SLC7A4: variants seen among roughly 807,000 people sequenced by gnomAD.
SLC7A4 encodes the protein cationic amino acid transporter 4.
SLC7A4 carries 30 observed loss-of-function variants against 37.8 expected under a neutral mutation model. That is an observed-to-expected ratio of 0.79 (90% CI 0.59 to 1.08). The LOEUF is 1.08. Among genes scored for constraint, SLC7A4 ranks in the 50% least tolerant of loss-of-function variants. The pLI, the probability that SLC7A4 is intolerant of heterozygous loss-of-function variation, is 0.00. For missense variants in SLC7A4, 839 were observed against 843.2 expected (o/e 1.00, Z 0.06); for synonymous variants, 359 against 376.5 (o/e 0.95, Z 0.54).
Position 21,031,740 on chromosome 22 carries a change from CCAG to C in SLC7A4, c.70_72del (p.Leu24del), listed in dbSNP as rs369037952. On this transcript the variant is annotated inframe_deletion, in exon 2 of 5. Transcript: ENST00000382932. ...AGTGACGTCTCCATGGTGGAGTCCT[CCAG>C]CGGCTTCAGGCGGTTCAGCTTCTGG... The C allele has an allele frequency of 6.3e-7, 1 of 1,598,450 alleles. No homozygotes were observed. Among genetic ancestry groups the C allele is most frequent in the African/African-American group, 1.3e-5 (1 of 74,572 alleles).
chr22:21,029,192 T>C lies in SLC7A4; in HGVS notation c.1771A>G (p.Lys591Glu). The change falls in exon 5 of 5, where the codon AAG becomes GAG. Residue 591 changes from lysine to glutamate, a missense_variant. By Grantham distance (56) the Lys-to-Glu change is moderately conservative. Transcript: ENST00000382932. ...VYFGYGIRHS[K>E]ENQRELPGLN... Reference sequence around the variant, plus strand: ...CCTGGCAGCTCCCGCTGGTTCTCCTTGCTATGCCGGATGCCATAGCCGAAA... The same window carrying C: ...CCTGGCAGCTCCCGCTGGTTCTCCTCGCTATGCCGGATGCCATAGCCGAAA... 48 of 1,613,986 alleles carry C rather than the reference T, an allele frequency of 3.0e-5. No homozygotes were observed. Among genetic ancestry groups the C allele is most frequent in the Non-Finnish European group, 4.1e-5 (48 of 1,180,002 alleles).
chr22:21,029,238 G>A lies in SLC7A4; in HGVS notation c.1733-8C>T. 1 of 1,613,598 alleles carries A rather than the reference G, an allele frequency of 6.2e-7. No individual in the cohort carries two copies. On this transcript the variant is annotated splice_polypyrimidine_tract_variant and splice_region_variant and intron_variant, in intron 4 of 4. Transcript: ENST00000382932. ...CGAAATACACTGCAAGTCCTAGACA[G>A]GGCAGGAGGCAGGGCATGAGCCTGA...
At chr22:21,029,473 G>A (rs749219031) in intron 3 of SLC7A4, 29 bp from the exon 4 acceptor site, 4 of 1,543,364 alleles carry the variant, frequency 2.6e-6, no homozygotes, top group Non-Finnish European at 3.6e-6. Context: ...GGCAGGGCTG[G>A]GCCGGGCTGC....
intron 2 of SLC7A4, 65 bp downstream of exon 2, chr22:21,030,766 A>G (rs1012530461): frequency 1.3e-6 from 2 of 1,497,780 alleles, no homozygotes; most frequent in Non-Finnish European, 1.8e-6. Flanking sequence ...GCATTCCCCA[A>G]GAATCTGAGG....
chr22:21,029,914 G>A lies in SLC7A4; in HGVS notation c.1420C>T (p.Pro474Ser), dbSNP rs1928824468. The change falls in exon 3 of 5, where the codon CCT becomes TCT. Residue 474 changes from proline to serine, a missense_variant. By Grantham distance (74) the Pro-to-Ser change is moderately conservative (BLOSUM62 -1). Transcript: ENST00000382932. ...PYLGFLDGYS[P>S]GAVVTWALGV... ...AGCGCCCAAGTCACCACTGCTCCAG[G>A]GCTGTACCCATCCAAGAAGCCCAGG... 1 of 1,613,660 alleles carries A rather than the reference G, an allele frequency of 6.2e-7. No homozygotes were observed. Among genetic ancestry groups the A allele is most frequent in the Non-Finnish European group, 8.5e-7 (1 of 1,179,984 alleles).
In SLC7A4 at chr22:21,031,115, C is replaced by T; in HGVS notation, c.698G>A (p.Gly233Asp). ...AGTGCCGGCCATGACGCCGGAGAAG[C>T]CGAAGGGTGCAAAGCCGCCTTCGTC... ...SADEGGFAPF[G>D]FSGVMAGTAS... Residue 233 changes from glycine to aspartate, a missense_variant, in exon 2 of 5, where the codon GGC (glycine) becomes GAC (aspartate). Gly to Asp is a moderately conservative substitution (Grantham distance 94, BLOSUM62 -1). Transcript: ENST00000382932. 1 of 1,613,766 alleles carries T rather than the reference C, an allele frequency of 6.2e-7. No individual in the cohort carries two copies. Among genetic ancestry groups the T allele is most frequent in the Non-Finnish European group, 8.5e-7 (1 of 1,179,854 alleles).
rs1359987237 is a variant in SLC7A4 at position 21,029,813 on chromosome 22, G to A, written c.1521C>T (p.His507=). 6.2e-7 allele frequency: 1 copy of A among 1,613,530 alleles called. No individual in the cohort carries two copies. Among genetic ancestry groups the A allele is most frequent in the Non-Finnish European group, 8.5e-7 (1 of 1,180,012 alleles). ...GCAGGAGCAGCAGGATGTAACCCCA[G>A]TGTGGGAGGTGCAGGGTCGAGTTCC... is the stretch of plus-strand genomic sequence containing the variant. ...VFGNSTLHLP[H]WGYILLLLLT... is the part of the protein sequence containing the mutation. The change falls in exon 3 of 5, where the codon CAC becomes CAT. Residue 507 remains histidine, a synonymous_variant. Transcript: ENST00000382932.
At chr22:21,031,985 G>T in intron 1 of SLC7A4, 133 bp from the exon 2 acceptor site, 1 of 515,416 alleles carries the variant, frequency 1.9e-6, no homozygotes, top group Non-Finnish European at 3.0e-6. Context: ...CCAGGGGCCT[G>T]CTGGAGAGCT....
Position 21,030,042 on chromosome 22 carries a change from A to G in SLC7A4, c.1292T>C (p.Leu431Pro), listed in dbSNP as rs1601791234. 2 of 1,612,810 alleles carry G rather than the reference A, an allele frequency of 1.2e-6. No homozygotes were observed. Among genetic ancestry groups the G allele is most frequent in the Non-Finnish European group, 1.7e-6 (2 of 1,179,540 alleles). ...TGAGAAGGAGCTCTGCTGCTTGGTC[A>G]GGGGGCCAGGGCTGGCTGGGCCTGG... Reference protein sequence around the residue: ...SSPGPASPGPLTKQQSSFSDH... With the variant: ...SSPGPASPGPPTKQQSSFSDH... The change falls in exon 3 of 5, where the codon CTG (leucine) becomes CCG (proline). Residue 431 changes from leucine to proline, a missense_variant. Transcript: ENST00000382932.
rs372302893 is a variant in SLC7A4 at position 21,029,961 on chromosome 22, A to G, written c.1373T>C (p.Leu458Pro). The G allele has an allele frequency of 2.3e-5, 37 of 1,613,772 alleles. No individual in the cohort carries two copies. In the African/African-American group the frequency reaches 4.8e-4, roughly 21 times the overall value. Residue 458 changes from leucine (L) to proline (P), a missense_variant, in exon 3 of 5, where the codon CTG (leucine) becomes CCG (proline). Leu to Pro is a moderately conservative substitution (Grantham distance 98, BLOSUM62 -3). Transcript: ENST00000382932. ...VHASVPEPGELKPALRPYLGF... is the reference protein window; with the variant it reads ...VHASVPEPGEPKPALRPYLGF... ...CAGGTAGGGCCTCAGGGCTGGCTTC[A>G]GCTCCCCTGGCTCAGGGACGGAGGC...
Position 21,029,410 on chromosome 22 carries a change from A to G in SLC7A4, c.1658T>C (p.Ile553Thr), listed in dbSNP as rs756615960. The G allele has an allele frequency of 1.2e-6, 2 of 1,613,650 alleles. No homozygotes were observed. The highest frequency in any genetic ancestry group is 1.7e-6 in the Non-Finnish European group (2 of 1,179,944). ...PMVPLIPALS[I>T]VLNICLMLKL... Reference sequence around the variant, plus strand: ...CAGCATGAGGCAGATGTTGAGGACGATGCTCAGGGCTGGAATCAGGGGAAC... The same window carrying G: ...CAGCATGAGGCAGATGTTGAGGACGGTGCTCAGGGCTGGAATCAGGGGAAC... Residue 553 changes from isoleucine to threonine, a missense_variant, in exon 4 of 5, where the codon ATC becomes ACC. Coordinates refer to ENST00000382932, the MANE Select transcript of SLC7A4 (RefSeq NM_004173.3).
rs1928783112 is a variant in SLC7A4, at chr22:21,029,106, A to G, written c.1857T>C (p.Ala619=). 1 of 1,612,938 alleles carries G rather than the reference A, an allele frequency of 6.2e-7. No individual in the cohort carries two copies. Among genetic ancestry groups the G allele is most frequent in the South Asian group, 1.1e-5 (1 of 91,038 alleles). Reference sequence around the variant, plus strand: ...CTGGTGCCTGGCTGGGGGGCTGCATAGCCTGCACTGTCTCCTCCAGGCTGC... The same window carrying G: ...CTGGTGCCTGGCTGGGGGGCTGCATGGCCTGCACTGTCTCCTCCAGGCTGC... ...PRGSLEETVQ[A]MQPPSQAPAQ... Residue 619 remains alanine, a synonymous_variant, in exon 5 of 5, where the codon GCT becomes GCC. Coordinates refer to ENST00000382932, the MANE Select transcript of SLC7A4 (RefSeq NM_004173.3).
intron 1 of SLC7A4, among the ~76,000 whole-genome samples, chr22:21,032,056 C>T (rs1461333473): frequency 6.6e-6 from 1 of 152,222 alleles, no homozygotes; most frequent in Non-Finnish European, 1.5e-5. Context: ...GAGGCCCTGT[C>T]TGCATCCCAG....
In SLC7A4 at chr22:21,030,251, G is replaced by A. The variant is rs140649964; in HGVS notation, c.1083C>T (p.His361=). The change falls in exon 3 of 5, where the codon CAC becomes CAT. Residue 361 remains histidine (H), a synonymous_variant. Transcript: ENST00000382932. ...CCGCCACAGGCACCTGTGTCCGGGG[G>A]TGCACATGGGCAAACACCTGGAAGA... ...GLFFQVFAHV[H]PRTQVPVAGT... The A allele has an allele frequency of 4.3e-6, 7 of 1,613,772 alleles. No homozygotes were observed. Among genetic ancestry groups the A allele is most frequent in the East Asian group, 4.5e-5 (2 of 44,874 alleles).
At position 21,029,075 on chromosome 22, in the gene SLC7A4, C is replaced by G; in HGVS notation, c.1888G>C (p.Asp630His). The G allele has an allele frequency of 5.6e-6, 9 of 1,610,756 alleles. No homozygotes were observed. Among genetic ancestry groups the G allele is most frequent in the Non-Finnish European group, 7.6e-6 (9 of 1,179,440 alleles). The change falls in exon 5 of 5, where the codon GAC becomes CAC. Residue 630 changes from aspartate to histidine, a missense_variant. Transcript: ENST00000382932. ...MQPPSQAPAQ[D>H]PGHME ...ATCAGCTACTCCATATGGCCAGGGT[C>G]CTGTGCTGGTGCCTGGCTGGGGGGC...
rs761948595 is a variant in SLC7A4, at chr22:21,029,831, C to T, written c.1503G>A (p.Ser501=). The change falls in exon 3 of 5, where the codon TCG becomes TCA. Residue 501 remains serine (S), a synonymous_variant. Coordinates refer to ENST00000382932, the MANE Select transcript of SLC7A4 (RefSeq NM_004173.3). Reference sequence around the variant, plus strand: ...AACCCCAGTGTGGGAGGTGCAGGGTCGAGTTCCCAAAGACAAGCACGCAGC... The same window carrying T: ...AACCCCAGTGTGGGAGGTGCAGGGTTGAGTTCCCAAAGACAAGCACGCAGC... The part of the protein sequence containing the change: ...TIGCVLVFGN[S]TLHLPHWGYI... 2.5e-6 allele frequency: 4 copies of T among 1,613,522 alleles called. No individual in the cohort carries two copies. Among genetic ancestry groups the T allele is most frequent in the African/African-American group, 2.7e-5 (2 of 74,892 alleles).
rs138722356 is a variant in SLC7A4 at position 21,031,586 on chromosome 22, C to A, written c.227G>T (p.Gly76Val). 3 of 1,607,344 alleles carry A rather than the reference C, an allele frequency of 1.9e-6. No homozygotes were observed. The highest frequency in any genetic ancestry group is 2.5e-6 in the Non-Finnish European group (3 of 1,177,450). ...VAGPAVLLSF[G>V]VAAVASLLAA... ...CAGCAGGGAGGCCACAGCGGCCACA[C>A]CGAAGGACAAGAGCACAGCAGGGCC... The change falls in exon 2 of 5, where the codon GGT becomes GTT. Residue 76 changes from glycine (G) to valine (V), a missense_variant. By Grantham distance (109) the Gly-to-Val change is moderately radical. Transcript: ENST00000382932.
In SLC7A4 at chr22:21,029,452, G is replaced by T. The variant is rs368713981; in HGVS notation, c.1624-8C>A. 294 of 1,598,038 alleles carry T rather than the reference G, an allele frequency of 1.8e-4. 1 individual carries two copies. The highest frequency in any genetic ancestry group is 2.3e-4 in the Non-Finnish European group (264 of 1,166,274). On this transcript the variant is annotated splice_polypyrimidine_tract_variant and splice_region_variant and intron_variant, in intron 3 of 4. Transcript: ENST00000382932. Reference sequence around the variant, plus strand: ...CAGGGGAACCATGGGGATCTGAGGAGGCAGAGGCAGGGCAGGGCTGGGCCG... The same window carrying T: ...CAGGGGAACCATGGGGATCTGAGGATGCAGAGGCAGGGCAGGGCTGGGCCG...
intron 1 of SLC7A4, among the ~76,000 whole-genome samples, 196 bp downstream of exon 1, chr22:21,032,335 G>A (rs1181160033): frequency 6.6e-6 from 1 of 152,118 alleles, no homozygotes; most frequent in African/African-American, 2.4e-5. Flanking sequence ...CCCTGCACCC[G>A]TGGCCAGGCT....
Sources: gnomAD v4.1 joint callset for allele counts (sites outside exome capture counted in the v4.1 genomes callset) on GRCh38, gnomAD v4.1.1 for gene constraint, MANE v1.5 for transcripts, NCBI Gene and HGNC (gene_info 2026-07-23, HGNC 2026-07-21) for gene names.